Variants in ROBO2 observed in about 807,000 individuals in gnomAD.
The protein encoded by ROBO2 is roundabout guidance receptor 2.
Under a neutral mutation model 160.8 loss-of-function variants are expected in ROBO2, and 53 were observed. The ratio of observed to expected loss-of-function variants is 0.33; its 90% CI spans 0.26 to 0.41. ROBO2 has a LOEUF of 0.41. ROBO2 is among the 10% of genes least tolerant of loss of function. The pLI is 1.00. For missense variants in ROBO2, 1,577 were observed against 1,722.4 expected, an observed-to-expected ratio of 0.92 and a Z score of 1.49; for synonymous variants, 664 against 611.7, an observed-to-expected ratio of 1.09 and a Z score of -1.26.
intron 2 of ROBO2, among the ~76,000 whole-genome samples, chr3:76,392,016 A>T (rs2077178006): frequency 6.6e-6 from 1 of 152,200 alleles, no homozygotes. Flanking sequence ...TTAAACATAT[A>T]TATGAGCATT....
At chr3:77,350,742 A>G (rs1448398342) in intron 2 of ROBO2, among the ~76,000 whole-genome samples, 1 of 152,200 alleles carries the variant, frequency 6.6e-6, no homozygotes, top group African/African-American at 2.4e-5. Context: ...ATTTTTATCA[A>G]GAGGCAATGG....
At chr3:76,087,712 T>A (rs2069069785) in intron 2 of ROBO2, among the ~76,000 whole-genome samples, 1 of 152,042 alleles carries the variant, frequency 6.6e-6, no homozygotes, top group Admixed American at 6.6e-5. Context: ...TTCATATATA[T>A]GGCTAAGTGT....
intron 24 of ROBO2, among the ~76,000 whole-genome samples, chr3:77,641,231 ACCC>A (rs2095346317): frequency 6.6e-6 from 1 of 152,194 alleles, no homozygotes; most frequent in African/African-American, 2.4e-5. Context: ...CGAAACAGAG[ACCC>A]TGTTCCCTTC....
intron 2 of ROBO2, among the ~76,000 whole-genome samples, chr3:77,445,811 T>G (rs1272167613): frequency 7.3e-6 from 1 of 136,516 alleles, no homozygotes; most frequent in East Asian, 2.0e-4. Context: ...TTTTTTTTTT[T>G]GCTAATTTTA....
intron 2 of ROBO2, among the ~76,000 whole-genome samples, chr3:77,261,256 G>A (rs970815535): frequency 6.6e-5 from 10 of 151,794 alleles, no homozygotes; most frequent in African/African-American, 1.9e-4. Flanking sequence ...TGTGTGCCTG[G>A]GGAAGCCACA....
chr3:76,954,996 A>G (rs563892500), intron 2 of ROBO2, among the ~76,000 whole-genome samples: 1 of 152,302 alleles, frequency 6.6e-6, no homozygotes, highest in East Asian at 1.9e-4. Context: ...TAATGGGCAG[A>G]AACTTTACCC....
chr3:77,187,106 C>T (rs1324774680), intron 2 of ROBO2, among the ~76,000 whole-genome samples: 2 of 151,956 alleles, frequency 1.3e-5, no homozygotes, highest in African/African-American at 2.4e-5. Flanking sequence ...ACTGATCCTT[C>T]ATTGTAAAAA....
At chr3:77,063,049 G>A (rs377022384) in intron 1 of ROBO2, among the ~76,000 whole-genome samples, 1 of 152,116 alleles carries the variant, frequency 6.6e-6, no homozygotes, top group Non-Finnish European at 1.5e-5. Flanking sequence ...GGCAGCTAAG[G>A]CCTACTGGTG....
At chr3:76,978,458 A>ATTTGAGTG (rs2059916631) in intron 2 of ROBO2, among the ~76,000 whole-genome samples, 1 of 152,156 alleles carries the variant, frequency 6.6e-6, no homozygotes, top group Non-Finnish European at 1.5e-5. Flanking sequence ...TTAGGAATAT[A>ATTTGAGTG]TTTGAGTGTC....
chr3:77,129,558 G>A (rs572595774), intron 2 of ROBO2, among the ~76,000 whole-genome samples: 2 of 152,278 alleles, frequency 1.3e-5, no homozygotes, highest in East Asian at 1.9e-4. Flanking sequence ...AGTGATAGTC[G>A]GTTGGCGAGA....
At chr3:77,398,530 T>C (rs1368852550) in intron 2 of ROBO2, among the ~76,000 whole-genome samples, 1 of 152,100 alleles carries the variant, frequency 6.6e-6, no homozygotes, top group Non-Finnish European at 1.5e-5. Context: ...GGCTTTCTCT[T>C]GCTCAGGTTT....
intron 2 of ROBO2, among the ~76,000 whole-genome samples, chr3:76,049,070 C>T (rs2067554267): frequency 1.3e-5 from 2 of 152,066 alleles, no homozygotes; most frequent in Non-Finnish European, 2.9e-5. Context: ...GGATAATGGT[C>T]ATCTCTTTGG....
intron 2 of ROBO2, among the ~76,000 whole-genome samples, chr3:76,242,368 T>A (rs1458403513): frequency 6.6e-6 from 1 of 152,136 alleles, no homozygotes; most frequent in Non-Finnish European, 1.5e-5. Context: ...TACCTTGTAC[T>A]ATTATAATAT....
At chr3:76,332,235 T>C (rs1057129009) in intron 2 of ROBO2, among the ~76,000 whole-genome samples, 9 of 152,198 alleles carry the variant, frequency 5.9e-5, no homozygotes, top group African/African-American at 1.7e-4. Flanking sequence ...GGATCATGGT[T>C]TCAGTTAGAA....
rs954849575 is a variant in ROBO2, at chr3:75,982,748, T to C, written c.109+45146T>C. ...TGGTAACATTTTTGACACTTGACTG[T>C]GGCAGTTGTCTGCTAGTCACCCTTC... On this transcript the variant is annotated intron_variant, in intron 2 of 26. Transcript: ENST00000487694. 1.3e-4 allele frequency among the ~76,000 whole-genome samples: 20 copies of C among 151,452 alleles called. No homozygotes were observed. The Admixed American group carries it at 1.3e-3, about 10-fold the overall frequency.
chr3:77,126,949 C>T (rs12107868), intron 2 of ROBO2, among the ~76,000 whole-genome samples: 10,688 of 151,244 alleles, frequency 0.071, 990 homozygotes, highest in African/African-American at 0.21. Context: ...CCACCACGCC[C>T]GGCTAATTTT....
chr3:76,085,333 T>C (rs1164312190), intron 2 of ROBO2, among the ~76,000 whole-genome samples: 6 of 152,186 alleles, frequency 3.9e-5, no homozygotes, highest in South Asian at 2.1e-4. Flanking sequence ...GTTTGTGTTC[T>C]TTCGTTGACC....
At chr3:76,631,338 G>A (rs562460389) in intron 2 of ROBO2, among the ~76,000 whole-genome samples, 2 of 152,120 alleles carry the variant, frequency 1.3e-5, no homozygotes, top group East Asian at 3.9e-4. Context: ...GTCATCTTTT[G>A]TTGGCGTTAA....
At chr3:76,327,986 C>G (rs952221355) in intron 2 of ROBO2, among the ~76,000 whole-genome samples, 2 of 151,622 alleles carry the variant, frequency 1.3e-5, no homozygotes, top group African/African-American at 4.8e-5. Context: ...GAAAGGTTGC[C>G]CTAGATGGGT....
Sources: gnomAD v4.1 joint callset for allele counts (sites outside exome capture counted in the v4.1 genomes callset) on GRCh38, gnomAD v4.1.1 for gene constraint, MANE v1.5 for transcripts, NCBI Gene and HGNC (gene_info 2026-07-23, HGNC 2026-07-21) for gene names.